PIGY: variants seen among roughly 807,000 people sequenced by gnomAD.
The protein encoded by PIGY is phosphatidylinositol N-acetylglucosaminyltransferase subunit Y.
PIGY carries 3 observed loss-of-function variants against 4.1 expected under a neutral mutation model. The observed-to-expected ratio is 0.73, with a 90% CI of 0.33 to 1.89. The LOEUF (loss-of-function observed/expected upper bound fraction) is 1.89, where lower values mean the gene tolerates loss of function less well. Ranked by LOEUF, PIGY falls within the 40% of genes most tolerant of loss-of-function variation. PIGY has a pLI of 0.08. For missense variants in PIGY, 78 were observed against 80.3 expected (o/e 0.97, Z 0.11); for synonymous variants, 33 against 31.4 (o/e 1.05, Z -0.18).
In PIGY at chr4:88,521,958, G is replaced by C; in HGVS notation, c.-169C>G. Reference sequence around the variant, plus strand: ...CCTAGCTGCCTGTGGTATCATATTAGGGATCCCATCAATGATTGGATAAGC... The same window carrying C: ...CCTAGCTGCCTGTGGTATCATATTACGGATCCCATCAATGATTGGATAAGC... On this transcript the variant is annotated 5_prime_UTR_variant, in exon 2 of 2. Transcript: ENST00000527353. The C allele has an allele frequency of 6.4e-7, 1 of 1,551,040 alleles. No homozygotes were observed. The highest frequency in any genetic ancestry group is 8.7e-7 in the Non-Finnish European group (1 of 1,146,606).
In PIGY at chr4:88,523,520, G is replaced by A. The variant is rs1483614484; in HGVS notation, c.-263C>T. On this transcript the variant is annotated 5_prime_UTR_variant, in exon 1 of 2. Coordinates refer to ENST00000527353, the MANE Select transcript of PIGY (RefSeq NM_001042616.3). ...TACCTGAGCGGCTTCTTGGAGAGCG[G>A]GCACACCAGGAACTCCAGCAGCGCC... The A allele has an allele frequency of 2.6e-6, 4 of 1,551,276 alleles. No individual in the cohort carries two copies.
At position 88,521,567 on chromosome 4, in the gene PIGY, A is replaced by G. The variant is rs2149117211; in HGVS notation, c.*7T>C. 6.3e-7 allele frequency: 1 copy of G among 1,583,990 alleles called. No individual in the cohort carries two copies. The highest frequency in any genetic ancestry group is 1.7e-4 in the Middle Eastern group (1 of 6,000). ...TTAATATATACAGCATATTGACTCT[A>G]GTTGCATCAATTATGCCTGAAGAGT... On this transcript the variant is annotated 3_prime_UTR_variant, in exon 2 of 2. Coordinates refer to ENST00000527353, the MANE Select transcript of PIGY (RefSeq NM_001042616.3).
At chr4:88,522,085 A>G in intron 1 of PIGY, 56 bp from the exon 2 acceptor site, 1 of 1,466,864 alleles carries the variant, frequency 6.8e-7, no homozygotes, top group Non-Finnish European at 9.1e-7. Flanking sequence ...ATGCTTGAAG[A>G]GCCTGATTTT....
rs965337661 is a variant in PIGY at position 88,523,422 on chromosome 4, G to T, written c.-241+76C>A. ...ACCGACCTACAAGGCCCCAGTGGCT[G>T]CAAGAGGCCGCGGTCCACCGCTCCC... On this transcript the variant is annotated intron_variant, in intron 1 of 1. Coordinates refer to ENST00000527353, the MANE Select transcript of PIGY (RefSeq NM_001042616.3). 3.4e-6 allele frequency: 5 copies of T among 1,471,538 alleles called. No individual in the cohort carries two copies. The African/African-American group carries it at 7.0e-5, about 21-fold the overall frequency. The allele number at this position is 1,471,538 out of a possible 1,614,324, so 91.2% of individuals were successfully genotyped here.
chr4:88,523,582 C>A lies in PIGY; in HGVS notation c.-325G>T. The A allele has an allele frequency of 6.5e-7, 1 of 1,550,134 alleles. No individual in the cohort carries two copies. Among genetic ancestry groups the A allele is most frequent in the Non-Finnish European group, 8.7e-7 (1 of 1,146,814 alleles). Reference sequence around the variant, plus strand: ...GCGGGGCGGCTCCTCAGTCTTCTTGCCCCGGTCGGCCAAAGGCCGCGACCC... The same window carrying A: ...GCGGGGCGGCTCCTCAGTCTTCTTGACCCGGTCGGCCAAAGGCCGCGACCC... On this transcript the variant is annotated 5_prime_UTR_variant, in exon 1 of 2. Transcript: ENST00000527353.
chr4:88,523,474 G>T, intron 1 of PIGY, 24 bp downstream of exon 1: 1 of 1,550,652 alleles, frequency 6.4e-7, no homozygotes, highest in Non-Finnish European at 8.7e-7. Context: ...GGCTGCAAAG[G>T]AAGGGCCAAG....
rs1192499101 is a variant in PIGY at position 88,523,660 on chromosome 4, C to G, written c.-403G>C. 1 of 1,534,502 alleles carries G rather than the reference C, an allele frequency of 6.5e-7. No homozygotes were observed. Among genetic ancestry groups the G allele is most frequent in the Non-Finnish European group, 8.7e-7 (1 of 1,143,194 alleles). The stretch of plus-strand genomic sequence containing the variant: ...CGCGGACGGCGGCGCGCGCGTTCCC[C>G]GCAGCGCTGAGGCGAGCCTGCAGCG... On this transcript the variant is annotated 5_prime_UTR_variant, in exon 1 of 2. Coordinates refer to ENST00000527353, the MANE Select transcript of PIGY (RefSeq NM_001042616.3).
Position 88,521,549 on chromosome 4 carries a change from A to G in PIGY, c.*25T>C. 1 of 1,553,320 alleles carries G rather than the reference A, an allele frequency of 6.4e-7. No individual in the cohort carries two copies. On this transcript the variant is annotated 3_prime_UTR_variant, in exon 2 of 2. Transcript: ENST00000527353. ...GATGCCCAAGAGCTATCATTAATAT[A>G]TACAGCATATTGACTCTAGTTGCAT...
rs188262285 is a variant in PIGY at position 88,523,729 on chromosome 4, C to A, written c.-472G>T. On this transcript the variant is annotated 5_prime_UTR_variant, in exon 1 of 2. Transcript: ENST00000527353. ...CTGGCAGCCGGAGACCAGGCCTCAC[C>A]GCAGCCTCGCCACCCGTGGCCGAGC... 5,404 of 1,415,352 alleles carry A rather than the reference C, an allele frequency of 3.8e-3. 31 individuals are homozygous for A. Among genetic ancestry groups the A allele is most frequent in the Non-Finnish European group, 3.7e-3 (4,043 of 1,092,278 alleles). The allele number at this position is 1,415,352 out of a possible 1,614,324, so 87.7% of individuals were successfully genotyped here. A position where few individuals can be genotyped will look rare whatever the true frequency, so the allele number is the denominator to read the frequency against.
intron 1 of PIGY, 125 bp downstream of exon 1, chr4:88,523,373 G>A: frequency 9.9e-7 from 1 of 1,009,360 alleles, no homozygotes; most frequent in African/African-American, 1.6e-5. Flanking sequence ...ACAGAGTCCA[G>A]AATGTGGCAG....
Position 88,521,606 on chromosome 4 carries a change from A to G in PIGY, c.184T>C (p.Trp62Arg), listed in dbSNP as rs1578076868. Reference protein sequence around the residue: ...PVYVFFHLWTWMGIKLFRHN With the variant: ...PVYVFFHLWTRMGIKLFRHN ...TGCCTGAAGAGTTTAATACCCATCC[A>G]AGTCCAAAGGTGGAAGAATACATAC... Residue 62 changes from tryptophan to arginine, a missense_variant, in exon 2 of 2, where the codon TGG becomes CGG. Trp to Arg is a moderately radical substitution (Grantham distance 101). Coordinates refer to ENST00000527353, the MANE Select transcript of PIGY (RefSeq NM_001042616.3). 1 of 1,613,642 alleles carries G rather than the reference A, an allele frequency of 6.2e-7. No individual in the cohort carries two copies. The highest frequency in any genetic ancestry group is 1.3e-5 in the African/African-American group (1 of 75,040).
At position 88,523,728 on chromosome 4, in the gene PIGY, C is replaced by T. The variant is rs1174357042; in HGVS notation, c.-471G>A. On this transcript the variant is annotated 5_prime_UTR_variant, in exon 1 of 2. The change creates a new upstream start codon in the 5' untranslated region. Transcript: ENST00000527353. ...TCTGGCAGCCGGAGACCAGGCCTCA[C>T]CGCAGCCTCGCCACCCGTGGCCGAG... The T allele has an allele frequency of 7.1e-7, 1 of 1,416,408 alleles. No homozygotes were observed. Among genetic ancestry groups the T allele is most frequent in the African/African-American group, 1.5e-5 (1 of 66,130 alleles). The allele number at this position is 1,416,408 out of a possible 1,614,324, so 87.7% of individuals were successfully genotyped here.
rs764694195 is a variant in PIGY, at chr4:88,523,449, T to C, written c.-241+49A>G. The C allele has an allele frequency of 5.8e-6, 9 of 1,543,730 alleles. No homozygotes were observed. In the African/African-American group the frequency reaches 1.2e-4, roughly 21 times the overall value. ...AAGAGGCCGCGGTCCACCGCTCCCT[T>C]TCCGCCCACCGGGAGGCTGCAAAGG... On this transcript the variant is annotated intron_variant, in intron 1 of 1. Transcript: ENST00000527353.
At position 88,521,773 on chromosome 4, in the gene PIGY, G is replaced by C. The variant is rs143548787; in HGVS notation, c.17C>G (p.Pro6Arg). The C allele has an allele frequency of 4.7e-3, 7,513 of 1,612,114 alleles. 23 individuals carry two copies. Among genetic ancestry groups the C allele is most frequent in the Non-Finnish European group, 5.9e-3 (6,954 of 1,178,904 alleles). The change falls in exon 2 of 2, where the codon CCT becomes CGT. Residue 6 changes from proline (P) to arginine (R), a missense_variant. Coordinates refer to ENST00000527353, the MANE Select transcript of PIGY (RefSeq NM_001042616.3). The part of the protein sequence containing the change: MFLSL[P>R]TLTVLIPLVS... ...CAGTGGAATAAGAACAGTCAACGTAGGAAGAGACAGAAACATTCTTCTCTT... is the reference window on the plus strand; with the variant it reads ...CAGTGGAATAAGAACAGTCAACGTACGAAGAGACAGAAACATTCTTCTCTT...
intron 1 of PIGY, 49 bp downstream of exon 1, chr4:88,523,449 T>A: frequency 1.3e-6 from 2 of 1,543,848 alleles, no homozygotes; most frequent in South Asian, 2.4e-5. Context: ...ACCGCTCCCT[T>A]TCCGCCCACC....
chr4:88,523,055 C>T (rs879859067), intron 1 of PIGY, among the ~76,000 whole-genome samples: 2 of 151,312 alleles, frequency 1.3e-5, no homozygotes, highest in Non-Finnish European at 2.9e-5. Flanking sequence ...GAGGCTGAGG[C>T]GGGAGTTCTA....
At position 88,523,758 on chromosome 4, in the gene PIGY, C is replaced by G; in HGVS notation, c.-501G>C. 5 of 1,385,326 alleles carry G rather than the reference C, an allele frequency of 3.6e-6. No individual in the cohort carries two copies. The highest frequency in any genetic ancestry group is 4.7e-6 in the Non-Finnish European group (5 of 1,072,152). The allele number at this position is 1,385,326 out of a possible 1,614,324, so 85.8% of individuals were successfully genotyped here. ...GCCTCGCCACCCGTGGCCGAGCTCC[C>G]GGCTTCCCGTTCGTCCAGGCCAGCC... On this transcript the variant is annotated 5_prime_UTR_variant, in exon 1 of 2. Transcript: ENST00000527353.
rs867684290 is a variant in PIGY at position 88,521,444 on chromosome 4, C to A, written c.*130G>T. 2.2e-4 allele frequency: 174 copies of A among 792,704 alleles called. No individual in the cohort carries two copies. In the Middle Eastern group the frequency reaches 6.8e-3, roughly 31 times the overall value. 49.1% of individuals were successfully genotyped at this position (792,704 alleles called of 1,614,324 possible). A position where few individuals can be genotyped will look rare whatever the true frequency, so the allele number is the denominator to read the frequency against. On this transcript the variant is annotated 3_prime_UTR_variant, in exon 2 of 2. Coordinates refer to ENST00000527353, the MANE Select transcript of PIGY (RefSeq NM_001042616.3). ...AGAAGCATCTGCAACTTAAGCCTCCCACAGTCCTAAGCCTGATATGCGCAA... is the reference window on the plus strand; with the variant it reads ...AGAAGCATCTGCAACTTAAGCCTCCAACAGTCCTAAGCCTGATATGCGCAA...
At chr4:88,522,984 G>A (rs1742423884) in intron 1 of PIGY, among the ~76,000 whole-genome samples, 2 of 152,136 alleles carry the variant, frequency 1.3e-5, no homozygotes, top group African/African-American at 4.8e-5. Context: ...ATCATTTAGG[G>A]ACCGTTTAAG....
Sources: gnomAD v4.1 joint callset for allele counts (sites outside exome capture counted in the v4.1 genomes callset) on GRCh38, gnomAD v4.1.1 for gene constraint, MANE v1.5 for transcripts, NCBI Gene and HGNC (gene_info 2026-07-23, HGNC 2026-07-21) for gene names.